Variants in NCOA3 observed in about 807,000 individuals in gnomAD.
The protein encoded by NCOA3 is nuclear receptor coactivator 3, also known as CBP-interacting protein.
Under a neutral mutation model 158.8 loss-of-function variants are expected in NCOA3, and 51 were observed. The observed-to-expected ratio is 0.32, with a 90% CI of 0.26 to 0.41. The LOEUF is 0.41. Among genes scored for constraint, NCOA3 ranks in the 10% least tolerant of loss-of-function variants. NCOA3 has a pLI of 1.00. For missense variants in NCOA3, 1,510 were observed against 1,746.6 expected (o/e 0.86, Z 2.41); for synonymous variants, 537 against 592.4 (o/e 0.91, Z 1.36).
rs1395573943 is a variant in NCOA3 at position 47,512,224 on chromosome 20, A to T, written c.-99+10205A>T. ...TAAACACAAAAAAAGTTTTTCTTCT[A>T]GAAAAAATAACTAATTTACATCTCA... On this transcript the variant is annotated intron_variant, in intron 1 of 22. Transcript: ENST00000371998. Among the ~76,000 whole-genome samples, 4 of 152,296 alleles carry T rather than the reference A, an allele frequency of 2.6e-5. No individual in the cohort carries two copies. The East Asian group carries it at 7.7e-4, about 29-fold the overall frequency.
intron 1 of NCOA3, among the ~76,000 whole-genome samples, chr20:47,576,616 T>A (rs1568696343): frequency 1.3e-5 from 2 of 151,830 alleles, no homozygotes; most frequent in Non-Finnish European, 2.9e-5. Context: ...CCCCTGTCCT[T>A]AAAAAAAATA....
chr20:47,628,744 A>G (rs947671565), intron 8 of NCOA3: 3 of 152,240 alleles, frequency 2.0e-5, no homozygotes, highest in South Asian at 4.1e-4. Flanking sequence ...CTGAGTTTCA[A>G]TCTTGGTCTG....
chr20:47,593,306 T>C (rs983399935), intron 2 of NCOA3, among the ~76,000 whole-genome samples: 6 of 150,980 alleles, frequency 4.0e-5, no homozygotes, highest in Admixed American at 4.0e-4. Flanking sequence ...AAATTAACTC[T>C]TTGGAGTACC....
chr20:47,577,100 T>G (rs2085384033), intron 1 of NCOA3, among the ~76,000 whole-genome samples: 1 of 152,252 alleles, frequency 6.6e-6, no homozygotes, highest in Non-Finnish European at 1.5e-5. Flanking sequence ...TTAGGCTAGT[T>G]TAGTTCCATT....
In NCOA3 at chr20:47,647,120, A is replaced by C. The variant is rs898047611; in HGVS notation, c.3300A>C (p.Ala1100=). ...PKQDAFQGQE[A]AVMMDQKAGL... Reference sequence around the variant, plus strand: ...AGGATGCTTTCCAAGGCCAAGAAGCAGCAGTAATGATGGATCAGAAGGCAG... The same window carrying C: ...AGGATGCTTTCCAAGGCCAAGAAGCCGCAGTAATGATGGATCAGAAGGCAG... The change falls in exon 18 of 23, where the codon GCA becomes GCC. Residue 1100 remains alanine (A), a synonymous_variant. Coordinates refer to ENST00000371998, the MANE Select transcript of NCOA3 (RefSeq NM_181659.3). 3 of 1,614,246 alleles carry C rather than the reference A, an allele frequency of 1.9e-6. No individual in the cohort carries two copies. The highest frequency in any genetic ancestry group is 3.3e-5 in the Admixed American group (2 of 60,034).
At chr20:47,602,739 T>C (rs1367458669) in intron 2 of NCOA3, among the ~76,000 whole-genome samples, 1 of 152,230 alleles carries the variant, frequency 6.6e-6, no homozygotes, top group African/African-American at 2.4e-5. Context: ...GAATTTTTAC[T>C]TAGGTTTTTG....
In NCOA3 at chr20:47,624,081, A is replaced by G; in HGVS notation, c.254A>G (p.Gln85Arg). 1 of 1,599,464 alleles carries G rather than the reference A, an allele frequency of 6.3e-7. No individual in the cohort carries two copies. Among genetic ancestry groups the G allele is most frequent in the East Asian group, 2.2e-5 (1 of 44,652 alleles). Residue 85 changes from glutamine (Q) to arginine (R), a missense_variant and splice_region_variant, in exon 4 of 23, where the codon CAA (glutamine) becomes CGA (arginine). By Grantham distance (43) the Gln-to-Arg change is conservative (BLOSUM62 1). This residue lies in a region of NCOA3 where 309 missense variants were observed against 427.1 expected (regional missense o/e 0.72). Transcript: ENST00000371998. ...TVRQIRQIKE[Q>R]GKTISNDDDV... ...AGACAGATACGTCAAATAAAAGAGC[A>G]AGGTAATAAAAACACTCATGTCTTT...
At chr20:47,647,896 TG>T (rs930877557) in intron 18 of NCOA3, among the ~76,000 whole-genome samples, 33 of 93,362 alleles carry the variant, frequency 3.5e-4, no homozygotes, top group Admixed American at 2.3e-3. Context: ...GTTTTTTTTT[TG>T]TTTGTTTGTT....
chr20:47,637,618 A>T, intron 12 of NCOA3, 30 bp from the exon 13 acceptor site: 1 of 1,574,044 alleles, frequency 6.4e-7, no homozygotes, highest in Non-Finnish European at 8.6e-7. Context: ...GGTAATGTAT[A>T]CAGGTTAATT....
chr20:47,616,259 T>C (rs1423994161), intron 2 of NCOA3, among the ~76,000 whole-genome samples: 1 of 143,412 alleles, frequency 7.0e-6, no homozygotes, highest in African/African-American at 2.5e-5. Flanking sequence ...AATGGCACAA[T>C]CCCGGCTCAC....
intron 1 of NCOA3, among the ~76,000 whole-genome samples, chr20:47,522,099 CTTTTTT>C (rs772811888): frequency 7.8e-5 from 6 of 76,836 alleles, no homozygotes; most frequent in South Asian, 4.4e-4. Context: ...TTGTACAGAT[CTTTTTT>C]TTTTTTTTTT....
intron 2 of NCOA3, among the ~76,000 whole-genome samples, chr20:47,613,538 CATAAT>C (rs2086077743): frequency 6.9e-6 from 1 of 144,968 alleles, no homozygotes; most frequent in Non-Finnish European, 1.5e-5. Context: ...TCCTACAAAA[CATAAT>C]AGCAAATTAT....
Position 47,642,309 on chromosome 20 carries a change from TC to T in NCOA3, c.3178del (p.Leu1060PhefsTer29). ...GAGCATTATTGGACCAGCTGCACAC[TC>T]TTCTCAGCAACACAGATGCCACAGG... The part of the protein sequence containing the change: ...ERALLDQLHT[L>X]LSNTDATGLE... On this transcript the variant is annotated frameshift_variant, in exon 17 of 23. Transcript: ENST00000371998. LOFTEE classifies it high-confidence loss of function. 6.2e-7 allele frequency: 1 copy of T among 1,613,562 alleles called. No individual in the cohort carries two copies. Among genetic ancestry groups the T allele is most frequent in the Non-Finnish European group, 8.5e-7 (1 of 1,179,870 alleles).
Position 47,635,876 on chromosome 20 carries a change from T to C in NCOA3, c.1505-15T>C, listed in dbSNP as rs1295487019. 3 of 1,574,008 alleles carry C rather than the reference T, an allele frequency of 1.9e-6. No individual in the cohort carries two copies. Among genetic ancestry groups the C allele is most frequent in the Middle Eastern group, 3.4e-4 (2 of 5,852 alleles). On this transcript the variant is annotated splice_polypyrimidine_tract_variant and intron_variant, in intron 11 of 22. Coordinates refer to ENST00000371998, the MANE Select transcript of NCOA3 (RefSeq NM_181659.3). ...GGTAGTCTAATTCTTTTCCTAAATT[T>C]TTTTTCAAATTCAGGTGTGCACTCT...
chr20:47,633,352 GA>G (rs1406340183), intron 8 of NCOA3, 143 bp from the exon 9 acceptor site: 1 of 720,190 alleles, frequency 1.4e-6, no homozygotes, highest in Non-Finnish European at 2.2e-6. Flanking sequence ...AAAAGCTGTG[GA>G]TATAGTAGAA....
At chr20:47,596,841 C>T (rs749511198) in intron 2 of NCOA3, among the ~76,000 whole-genome samples, 10 of 152,152 alleles carry the variant, frequency 6.6e-5, no homozygotes, top group East Asian at 1.9e-4. Flanking sequence ...CCACCTGCCT[C>T]GGCCTCCTGA....
At chr20:47,517,937 A>G (rs887880085) in intron 1 of NCOA3, among the ~76,000 whole-genome samples, 1 of 152,122 alleles carries the variant, frequency 6.6e-6, no homozygotes, top group African/African-American at 2.4e-5. Flanking sequence ...GGCTGATATG[A>G]TTTTCCTGGG....
chr20:47,594,911 C>T (rs552564370), intron 2 of NCOA3, among the ~76,000 whole-genome samples: 21 of 150,316 alleles, frequency 1.4e-4, no homozygotes, highest in African/African-American at 4.9e-4. Flanking sequence ...CCTGCCTCAG[C>T]CTCCTGAGTA....
At chr20:47,644,619 G>A (rs1030272597) in intron 17 of NCOA3, among the ~76,000 whole-genome samples, 1 of 152,190 alleles carries the variant, frequency 6.6e-6, no homozygotes, top group African/African-American at 2.4e-5. Context: ...TTGCAAGTGT[G>A]AGCAGCATCA....
Sources: gnomAD v4.1 joint callset for allele counts (sites outside exome capture counted in the v4.1 genomes callset) on GRCh38, gnomAD v4.1.1 for gene constraint, gnomAD v4.1.1 regional missense constraint, MANE v1.5 for transcripts, NCBI Gene and HGNC (gene_info 2026-07-23, HGNC 2026-07-21) for gene names.